Variants in MYL3 observed in about 807,000 individuals in gnomAD.
The protein encoded by MYL3 is CMLC1.
In MYL3, 11 loss-of-function variants were observed where a neutral mutation model predicts 21.3. The ratio of observed to expected loss-of-function variants is 0.52; its 90% CI spans 0.32 to 0.85. The LOEUF (loss-of-function observed/expected upper bound fraction) is 0.85, where lower values mean the gene tolerates loss of function less well. Ranked by LOEUF, MYL3 falls within the 40% of genes least tolerant of loss-of-function variation. The pLI is 0.03. For missense variants in MYL3, 206 were observed against 253.3 expected (o/e 0.81, Z 1.27); for synonymous variants, 88 against 91.6 (o/e 0.96, Z 0.22).
chr3:46,864,853 G>GT (rs1434717259), upstream of MYL3, among the ~76,000 whole-genome samples: 1 of 152,248 alleles, frequency 6.6e-6, no homozygotes, highest in African/African-American at 2.4e-5. The surrounding 1 kb of genome is among the most constrained non-coding windows in gnomAD (Gnocchi z 4.7). Flanking sequence ...ACTTGGGGAG[G>GT]TGGGAGGGCT....
At chr3:46,880,737 AAGAAGG>A (rs1023449433) in intron 1 of MYL3, among the ~76,000 whole-genome samples, 23 of 150,442 alleles carry the variant, frequency 1.5e-4, no homozygotes, top group Admixed American at 7.2e-4. Context: ...GAAGAAGAAG[AAGAAGG>A]AGAAGGAGAA....
In MYL3 at chr3:46,860,806, C is replaced by A; in HGVS notation, c.177G>T (p.Met59Ile). ...CACACTTGGGTGTGCGGTCGAACAG[C>A]ATGAAGGCTTCCTTGAACTCTGCCA... Reference protein sequence around the residue: ...EQIEEFKEAFMLFDRTPKCEM... With the variant: ...EQIEEFKEAFILFDRTPKCEM... The change falls in exon 3 of 7, where the codon ATG becomes ATT. Residue 59 changes from methionine (M) to isoleucine (I), a missense_variant. Physicochemically the swap from Met to Ile is conservative, Grantham distance 10. Coordinates refer to ENST00000292327, the MANE Select transcript of MYL3 (RefSeq NM_000258.3). This position sits in a 1 kb window ranked among gnomAD's most constrained non-coding sequence, Gnocchi z 4.6. The A allele has an allele frequency of 6.2e-7, 1 of 1,614,116 alleles. No homozygotes were observed. The highest frequency in any genetic ancestry group is 1.1e-5 in the South Asian group (1 of 91,080).
At chr3:46,863,763 G>A (rs1343709842), upstream of MYL3, among the ~76,000 whole-genome samples, 2 of 152,170 alleles carry the variant, frequency 1.3e-5, no homozygotes, top group East Asian at 1.9e-4. Flanking sequence ...CCTCTCTGCA[G>A]GTCCGTAAGT....
chr3:46,859,706 C>A lies in MYL3; in HGVS notation c.308-58G>T. ...AAGGCTGGGGTGGGCACACCCCTCC[C>A]CCATGCCTGATAATGAGGAGCTATC... On this transcript the variant is annotated intron_variant, in intron 3 of 6. Transcript: ENST00000292327. The surrounding 1 kb of genome is among the most constrained non-coding windows in gnomAD (Gnocchi z 4.1). The A allele has an allele frequency of 6.3e-7, 1 of 1,588,648 alleles. No individual in the cohort carries two copies. Among genetic ancestry groups the A allele is most frequent in the African/African-American group, 1.3e-5 (1 of 74,506 alleles).
intron 4 of MYL3, 99 bp from the exon 5 acceptor site, chr3:46,858,560 A>G: frequency 8.7e-7 from 1 of 1,146,116 alleles, no homozygotes; most frequent in Non-Finnish European, 1.3e-6. Flanking sequence ...CAACCTCTCC[A>G]GTATTCCCAC....
intron 1 of MYL3, among the ~76,000 whole-genome samples, chr3:46,862,159 C>T (rs575763200): frequency 3.3e-5 from 5 of 152,252 alleles, no homozygotes; most frequent in African/African-American, 1.2e-4. Flanking sequence ...TAAGGCCTGG[C>T]GAGAAAGGAC....
rs869025488 is a variant in MYL3 at position 46,858,275 on chromosome 3, G to A, written c.560-3C>T. 1 of 1,614,194 alleles carries A rather than the reference G, an allele frequency of 6.2e-7. No individual in the cohort carries two copies. The highest frequency in any genetic ancestry group is 8.5e-7 in the Non-Finnish European group (1 of 1,180,030). On this transcript the variant is annotated splice_polypyrimidine_tract_variant and splice_region_variant and intron_variant, in intron 5 of 6. Coordinates refer to ENST00000292327, the MANE Select transcript of MYL3 (RefSeq NM_000258.3). ...GGACATGATGTGCTTCACAAATGCT[G>A]GAAAGAAGAGGAGAGTGAGTGGCAG...
chr3:46,864,960 G>C (rs1363080305), upstream of MYL3, among the ~76,000 whole-genome samples: 1 of 152,248 alleles, frequency 6.6e-6, no homozygotes, highest in Admixed American at 6.5e-5. This position sits in a 1 kb window ranked among gnomAD's most constrained non-coding sequence, Gnocchi z 4.7. Flanking sequence ...CTGTGCCTGG[G>C]GGGTGGGAAG....
intron 1 of MYL3, among the ~76,000 whole-genome samples, chr3:46,869,599 G>A (rs1312565469): frequency 6.6e-6 from 1 of 152,268 alleles, no homozygotes; most frequent in Non-Finnish European, 1.5e-5. Context: ...AGAGGATGAG[G>A]CCACACGTGT....
chr3:46,872,793 G>A (rs1409550854), intron 1 of MYL3, among the ~76,000 whole-genome samples: 1 of 152,262 alleles, frequency 6.6e-6, no homozygotes, highest in Non-Finnish European at 1.5e-5. Flanking sequence ...TTTCTGAGAA[G>A]ATGCCGTCAG....
intron 1 of MYL3, among the ~76,000 whole-genome samples, chr3:46,881,372 T>A (rs1320909356): frequency 6.6e-6 from 1 of 152,034 alleles, no homozygotes; most frequent in African/African-American, 2.4e-5. Flanking sequence ...CGCGGACTCC[T>A]CCTTGCCTTC....
At chr3:46,867,522 G>A (rs556795383), upstream of MYL3, among the ~76,000 whole-genome samples, 23 of 152,392 alleles carry the variant, frequency 1.5e-4, no homozygotes, top group Non-Finnish European at 2.2e-4. Flanking sequence ...TGGTTGCCAC[G>A]TGGAGGGTGG....
At chr3:46,868,387 C>T (rs1266880348), upstream of MYL3, among the ~76,000 whole-genome samples, 2 of 152,192 alleles carry the variant, frequency 1.3e-5, no homozygotes, top group South Asian at 2.1e-4. Flanking sequence ...ACTCTGTCCT[C>T]GAGCAGGCCA....
rs565124181 is a variant in MYL3, at chr3:46,875,423, G to T, written c.-218+6651C>A. ...TCAACAACCCAAGGCCAGGTATGCA[G>T]CCTCAGCAAGGACATCAGCTCCGCT... On this transcript the variant is annotated intron_variant, in intron 1 of 3. Transcript: ENST00000431168. Among the ~76,000 whole-genome samples, 161 of 152,320 alleles carry T rather than the reference G, an allele frequency of 1.1e-3. 1 individual carries two copies. The highest frequency in any genetic ancestry group is 3.8e-3 in the African/African-American group (159 of 41,578).
upstream of MYL3, among the ~76,000 whole-genome samples, chr3:46,868,433 G>C (rs1702070394): frequency 6.6e-6 from 1 of 152,194 alleles, no homozygotes; most frequent in South Asian, 2.1e-4. Flanking sequence ...TGCCCACTGT[G>C]CTGACGGGGA....
Position 46,860,616 on chromosome 3 carries a change from G to T in MYL3, c.307+60C>A. ...GTGCTATCCCGCAGGATGGATGGCAGCCCACCCAGCCAGTCTCCCCGGTAC... is the reference window on the plus strand; with the variant it reads ...GTGCTATCCCGCAGGATGGATGGCATCCCACCCAGCCAGTCTCCCCGGTAC... On this transcript the variant is annotated intron_variant, in intron 3 of 6. Transcript: ENST00000292327. This position sits in a 1 kb window ranked among gnomAD's most constrained non-coding sequence, Gnocchi z 4.6. 4 of 1,600,388 alleles carry T rather than the reference G, an allele frequency of 2.5e-6. No homozygotes were observed. The highest frequency in any genetic ancestry group is 2.5e-6 in the Non-Finnish European group (3 of 1,176,614).
At position 46,874,564 on chromosome 3, in the gene MYL3, C is replaced by G. The variant is rs2106926636; in HGVS notation, c.-218+7510G>C. On this transcript the variant is annotated intron_variant, in intron 1 of 3. Coordinates refer to the MYL3 transcript ENST00000431168. The surrounding 1 kb of genome is among the most constrained non-coding windows in gnomAD (Gnocchi z 4.1). ...CTTCAAACCGCAGGGCCCAGCCGGC[C>G]TCTGGAACGCGTGCCCGGGACCTCG... Among the ~76,000 whole-genome samples the G allele has an allele frequency of 6.6e-6, 1 of 152,302 alleles. No individual in the cohort carries two copies.
rs1701963729 is a variant in MYL3, at chr3:46,859,175, T to C, written c.481+300A>G. 6.6e-6 allele frequency among the ~76,000 whole-genome samples: 1 copy of C among 151,998 alleles called. No homozygotes were observed. The highest frequency in any genetic ancestry group is 1.9e-4 in the East Asian group (1 of 5,174). On this transcript the variant is annotated intron_variant, in intron 4 of 6. Transcript: ENST00000292327. The surrounding 1 kb of genome is among the most constrained non-coding windows in gnomAD (Gnocchi z 4.1). ...AGGGCTGTGGCCCTGGAATTTGACC[T>C]TGGAGTAATGACCACCAGGACGGTG...
intron 6 of MYL3, 51 bp from the exon 7 acceptor site, chr3:46,858,152 C>CA: frequency 6.7e-7 from 1 of 1,495,512 alleles, no homozygotes; most frequent in South Asian, 1.1e-5. Flanking sequence ...ACGGAGGCAG[C>CA]AGGATGTCAA....
Sources: allele counts gnomAD v4.1 joint callset (sites outside exome capture counted in the v4.1 genomes callset), GRCh38; gene constraint gnomAD v4.1.1; non-coding constraint Gnocchi (gnomAD v3.1); transcripts MANE v1.5; gene names NCBI Gene and HGNC (gene_info 2026-07-23, HGNC 2026-07-21).